FSTL5: variants seen among roughly 807,000 people sequenced by gnomAD.
The protein encoded by FSTL5 is follistatin like 5.
Under a neutral mutation model 89.1 loss-of-function variants are expected in FSTL5, and 62 were observed. That is an observed-to-expected ratio of 0.70 (90% CI 0.57 to 0.86). FSTL5 has a LOEUF of 0.86. Ranked by LOEUF, FSTL5 falls within the 40% of genes least tolerant of loss-of-function variation. The pLI is 0.00. For missense variants in FSTL5, 1,057 were observed against 1,001.6 expected, an observed-to-expected ratio of 1.06 and a Z score of -0.75; for synonymous variants, 383 against 346.2, an observed-to-expected ratio of 1.11 and a Z score of -1.18.
intron 2 of FSTL5, among the ~76,000 whole-genome samples, chr4:162,037,053 A>T (rs991743840): frequency 6.6e-6 from 1 of 151,932 alleles, no homozygotes; most frequent in Non-Finnish European, 1.5e-5. Flanking sequence ...GTTTTGTAAT[A>T]TTACATTATT....
intron 12 of FSTL5, among the ~76,000 whole-genome samples, chr4:161,492,064 A>G (rs949457927): frequency 6.6e-6 from 1 of 152,310 alleles, no homozygotes; most frequent in South Asian, 2.1e-4. Context: ...ATCCTTCTAT[A>G]TCTTTAAAAC....
In FSTL5 at chr4:161,446,627, C is replaced by G. The variant is rs79195023; in HGVS notation, c.1841+8377G>C. Among the ~76,000 whole-genome samples the G allele has an allele frequency of 5.2e-3, 789 of 152,112 alleles. 17 individuals are homozygous for G. The highest frequency in any genetic ancestry group is 0.039 in the Admixed American group (592 of 15,242). Reference sequence around the variant, plus strand: ...TTTCTTCACCAAAATTTTATGAGAACTAGCTAATGCTATATATGATTGATT... The same window carrying G: ...TTTCTTCACCAAAATTTTATGAGAAGTAGCTAATGCTATATATGATTGATT... On this transcript the variant is annotated intron_variant, in intron 15 of 15. Coordinates refer to ENST00000306100, the MANE Select transcript of FSTL5 (RefSeq NM_020116.5).
intron 15 of FSTL5, among the ~76,000 whole-genome samples, chr4:161,393,543 T>C (rs959928786): frequency 6.6e-6 from 1 of 152,084 alleles, no homozygotes; most frequent in Non-Finnish European, 1.5e-5. Context: ...GCTAGTAAAT[T>C]ACATTTTTGT....
At chr4:161,588,620 A>AT (rs1318380748) in intron 7 of FSTL5, among the ~76,000 whole-genome samples, 42 of 152,106 alleles carry the variant, frequency 2.8e-4, no homozygotes, top group East Asian at 1.9e-4. Flanking sequence ...GCCAAAATCA[A>AT]TTTTTTTCAG....
At chr4:161,961,540 TAC>T (rs1440904625) in intron 3 of FSTL5, among the ~76,000 whole-genome samples, 1 of 130,734 alleles carries the variant, frequency 7.6e-6, no homozygotes, top group Non-Finnish European at 1.7e-5. Flanking sequence ...TATATATATA[TAC>T]ATATACATAT....
chr4:161,782,102 T>A (rs1741692712), intron 4 of FSTL5, among the ~76,000 whole-genome samples: 2 of 152,180 alleles, frequency 1.3e-5, no homozygotes. Context: ...CGAATAATAT[T>A]CCATTGTATG....
chr4:162,119,430 G>A (rs1227754193), intron 1 of FSTL5, among the ~76,000 whole-genome samples: 1 of 152,196 alleles, frequency 6.6e-6, no homozygotes, highest in African/African-American at 2.4e-5. Context: ...CTAGCCATGT[G>A]ACTGCTATGT....
At chr4:161,998,316 A>G (rs1560961102) in intron 3 of FSTL5, among the ~76,000 whole-genome samples, 1 of 152,046 alleles carries the variant, frequency 6.6e-6, no homozygotes, top group African/African-American at 2.4e-5. Context: ...TTTCTCAAGG[A>G]GCTGGGAACT....
At chr4:162,101,058 A>T (rs1019238561) in intron 2 of FSTL5, among the ~76,000 whole-genome samples, 3 of 152,222 alleles carry the variant, frequency 2.0e-5, no homozygotes, top group Non-Finnish European at 4.4e-5. Flanking sequence ...ATAAACACAC[A>T]ATCGCCTTCA....
At chr4:161,466,960 T>G (rs550243774) in intron 13 of FSTL5, among the ~76,000 whole-genome samples, 94 of 152,146 alleles carry the variant, frequency 6.2e-4, no homozygotes, top group African/African-American at 1.7e-3. Flanking sequence ...AAAAAATGTT[T>G]AGTTCCAAAA....
At chr4:162,028,146 C>T (rs1426958681) in intron 3 of FSTL5, among the ~76,000 whole-genome samples, 2 of 152,084 alleles carry the variant, frequency 1.3e-5, no homozygotes, top group Admixed American at 6.5e-5. Context: ...TAAGTTTTCT[C>T]GTCTTCTAGG....
At chr4:161,838,949 A>G (rs565850219) in intron 4 of FSTL5, among the ~76,000 whole-genome samples, 142 of 152,130 alleles carry the variant, frequency 9.3e-4, no homozygotes, top group African/African-American at 3.3e-3. Flanking sequence ...TATAAATTAA[A>G]CACTTTTTAA....
At chr4:162,009,978 G>T (rs1578943793) in intron 3 of FSTL5, among the ~76,000 whole-genome samples, 5 of 133,278 alleles carry the variant, frequency 3.8e-5, no homozygotes, top group Admixed American at 7.8e-5. Context: ...TGTTTGTTTT[G>T]TAAAAAAAAA....
chr4:161,462,880 G>T (rs1185180509), intron 13 of FSTL5, among the ~76,000 whole-genome samples: 1 of 151,882 alleles, frequency 6.6e-6, no homozygotes, highest in Admixed American at 6.6e-5. Flanking sequence ...ACAGACTAGA[G>T]GGTGAAAAGA....
chr4:161,576,703 T>G (rs1733220933), intron 8 of FSTL5, among the ~76,000 whole-genome samples: 1 of 152,218 alleles, frequency 6.6e-6, no homozygotes, highest in South Asian at 2.1e-4. Flanking sequence ...ACTATCATCA[T>G]CACACTCATT....
chr4:161,997,939 G>T (rs768559613), intron 3 of FSTL5, among the ~76,000 whole-genome samples: 1 of 152,110 alleles, frequency 6.6e-6, no homozygotes, highest in Non-Finnish European at 1.5e-5. Context: ...ATATATAGAG[G>T]TGTGTGAATG....
At chr4:161,597,658 ATAC>A (rs200934828) in intron 7 of FSTL5, among the ~76,000 whole-genome samples, 6 of 144,084 alleles carry the variant, frequency 4.2e-5, no homozygotes, top group Admixed American at 7.1e-5. Context: ...AAATAAATAA[ATAC>A]AAAAAAAAAG....
At chr4:161,832,609 G>A (rs1486730963) in intron 4 of FSTL5, among the ~76,000 whole-genome samples, 1 of 152,136 alleles carries the variant, frequency 6.6e-6, no homozygotes, top group Non-Finnish European at 1.5e-5. Context: ...TTAGTCTTGG[G>A]AGGGTGTATG....
At chr4:161,778,372 CT>C (rs1741499023) in intron 4 of FSTL5, among the ~76,000 whole-genome samples, 1 of 152,084 alleles carries the variant, frequency 6.6e-6, no homozygotes, top group Admixed American at 6.5e-5. Context: ...AAAATCCTAA[CT>C]TTATAATTAT....
Sources: allele counts gnomAD v4.1 joint callset (sites outside exome capture counted in the v4.1 genomes callset), GRCh38; gene constraint gnomAD v4.1.1; transcripts MANE v1.5; gene names NCBI Gene and HGNC (gene_info 2026-07-23, HGNC 2026-07-21).